Variants in DTNB observed in about 807,000 individuals in gnomAD.
The protein encoded by DTNB is dystrobrevin beta, also known as DTN-B.
Under a neutral mutation model 90.7 loss-of-function variants are expected in DTNB, and 63 were observed. The ratio of observed to expected loss-of-function variants is 0.69; its 90% CI spans 0.57 to 0.86. DTNB has a LOEUF of 0.86. Ranked by LOEUF, DTNB falls within the 40% of genes least tolerant of loss-of-function variation. DTNB has a pLI of 0.00. For missense variants in DTNB, 744 were observed against 807.1 expected, an observed-to-expected ratio of 0.92 and a Z score of 0.95; for synonymous variants, 277 against 286.7, an observed-to-expected ratio of 0.97 and a Z score of 0.34.
At chr2:25,589,383 T>C (rs1294595505) in intron 6 of DTNB, among the ~76,000 whole-genome samples, 5 of 120,270 alleles carry the variant, frequency 4.2e-5, no homozygotes, top group Admixed American at 1.6e-4. Flanking sequence ...TTTTTTTTTT[T>C]TTTTTTTTTT....
intron 8 of DTNB, among the ~76,000 whole-genome samples, chr2:25,551,564 G>A (rs1036574596): frequency 5.9e-5 from 9 of 152,226 alleles, no homozygotes; most frequent in East Asian, 3.9e-4. Context: ...CAGTGTTAGC[G>A]GTTCCCTTCT....
intron 18 of DTNB, chr2:25,385,991 T>C: frequency 1.0e-6 from 1 of 981,292 alleles, no homozygotes; most frequent in South Asian, 4.7e-5. Context: ...CTGACATCTG[T>C]GGGGAGCTGC....
At chr2:25,396,309 G>A (rs1558336890) in intron 16 of DTNB, among the ~76,000 whole-genome samples, 2 of 152,110 alleles carry the variant, frequency 1.3e-5, no homozygotes, top group South Asian at 2.1e-4. Flanking sequence ...ACAGGAGTTC[G>A]AGACCAGCCT....
chr2:25,647,700 C>A (rs1256444267), intron 2 of DTNB, among the ~76,000 whole-genome samples: 1 of 151,978 alleles, frequency 6.6e-6, no homozygotes, highest in East Asian at 1.9e-4. Context: ...CAGAGCAATA[C>A]CCTGTCTCTA....
chr2:25,425,301 C>G, intron 15 of DTNB, among the ~76,000 whole-genome samples: 1 of 152,294 alleles, frequency 6.6e-6, no homozygotes, highest in Non-Finnish European at 1.5e-5. Context: ...ACCACCACCA[C>G]CACCAACACC....
chr2:25,620,881 C>T (rs1288517135), intron 4 of DTNB, among the ~76,000 whole-genome samples: 1 of 152,092 alleles, frequency 6.6e-6, no homozygotes, highest in Non-Finnish European at 1.5e-5. Flanking sequence ...AAGAAAATAG[C>T]CAGGCATGAT....
At chr2:25,649,939 G>A in intron 2 of DTNB, 1 of 861,922 alleles carries the variant, frequency 1.2e-6, no homozygotes, top group Non-Finnish European at 1.4e-6. Context: ...ATGAGGGGGT[G>A]GGGCTTCCAG....
At chr2:25,481,295 G>A (rs1187455339) in intron 10 of DTNB, among the ~76,000 whole-genome samples, 1 of 151,594 alleles carries the variant, frequency 6.6e-6, no homozygotes, top group Non-Finnish European at 1.5e-5. Context: ...ATTCCAGCTA[G>A]TCGGGAGGCT....
chr2:25,652,669 C>A lies in DTNB; in HGVS notation c.-1-8G>T. On this transcript the variant is annotated splice_region_variant and splice_polypyrimidine_tract_variant and intron_variant, in intron 1 of 20. Coordinates refer to ENST00000406818, the MANE Select transcript of DTNB (RefSeq NM_021907.5). ...CCACTTTCCTCAATCATCCTAGAGA[C>A]AAAGAAAGATACAATAAACCACTGT... is the stretch of plus-strand genomic sequence containing the variant. 1 of 1,610,034 alleles carries A rather than the reference C, an allele frequency of 6.2e-7. No individual in the cohort carries two copies. Among genetic ancestry groups the A allele is most frequent in the Non-Finnish European group, 8.5e-7 (1 of 1,178,756 alleles).
intron 8 of DTNB, among the ~76,000 whole-genome samples, chr2:25,534,670 C>T (rs551112172): frequency 1.5e-5 from 2 of 133,832 alleles, no homozygotes; most frequent in East Asian, 2.3e-4. Context: ...GGGTGGCGGC[C>T]GGACAGAGGC....
intron 9 of DTNB, among the ~76,000 whole-genome samples, 186 bp downstream of exon 9, chr2:25,531,287 T>C (rs1176801685): frequency 6.6e-6 from 1 of 152,224 alleles, no homozygotes; most frequent in Non-Finnish European, 1.5e-5. Flanking sequence ...AGGAGCTAGA[T>C]TTCCATGTGG....
At chr2:25,671,291 A>C (rs2085836517) in intron 1 of DTNB, among the ~76,000 whole-genome samples, 1 of 152,168 alleles carries the variant, frequency 6.6e-6, no homozygotes, top group Admixed American at 6.5e-5. Flanking sequence ...TACTGTACAC[A>C]TTTTTCCAAA....
intron 5 of DTNB, among the ~76,000 whole-genome samples, chr2:25,603,987 C>T (rs1182119467): frequency 6.6e-6 from 1 of 152,178 alleles, no homozygotes; most frequent in African/African-American, 2.4e-5. Flanking sequence ...ACTACACAAG[C>T]TCAAGTGCTT....
chr2:25,443,247 A>C (rs1286629984), intron 12 of DTNB, among the ~76,000 whole-genome samples: 2 of 152,330 alleles, frequency 1.3e-5, no homozygotes, highest in East Asian at 3.9e-4. Context: ...TCCATTTACT[A>C]TTACATGCAA....
chr2:25,547,655 G>A (rs1420243861), intron 8 of DTNB, among the ~76,000 whole-genome samples: 1 of 152,084 alleles, frequency 6.6e-6, no homozygotes, highest in East Asian at 1.9e-4. Flanking sequence ...TGCCTGTTTG[G>A]GGATGAAGGT....
chr2:25,420,472 ATCTATCTATCTATCTATCTATCTATCT>A (rs1558447366), intron 15 of DTNB, among the ~76,000 whole-genome samples: 54 of 40,228 alleles, frequency 1.3e-3, no homozygotes, highest in South Asian at 2.6e-3. Context: ...AAATCAATCT[ATCTATCTATCTATCTATCTATCTATCT>A]ATCTATCTAT....
intron 9 of DTNB, among the ~76,000 whole-genome samples, chr2:25,496,813 A>G (rs1306271933): frequency 6.6e-6 from 1 of 151,130 alleles, no homozygotes; most frequent in Non-Finnish European, 1.5e-5. Context: ...ACTGCACTCC[A>G]GCCTGGGTGA....
chr2:25,385,347 G>C (rs947765032), intron 18 of DTNB, among the ~76,000 whole-genome samples: 3 of 152,212 alleles, frequency 2.0e-5, no homozygotes, highest in Non-Finnish European at 4.4e-5. Context: ...CTGTCAAGGA[G>C]ACAGTAAAAA....
intron 9 of DTNB, among the ~76,000 whole-genome samples, chr2:25,515,572 C>CATTT (rs60019416): frequency 0.088 from 13,223 of 150,100 alleles, 714 homozygotes; most frequent in Non-Finnish European, 0.13. Context: ...GATATCCATG[C>CATTT]ATTTATTTAT....
Sources: allele counts gnomAD v4.1 joint callset (sites outside exome capture counted in the v4.1 genomes callset), GRCh38; gene constraint gnomAD v4.1.1; transcripts MANE v1.5; gene names NCBI Gene and HGNC (gene_info 2026-07-23, HGNC 2026-07-21).